Variants in DPYD observed in about 807,000 individuals in gnomAD.
DPYD encodes dihydropyrimidine dehydrogenase.
A neutral mutation model predicts 116.2 loss-of-function variants in DPYD; 109 were observed. The observed-to-expected ratio is 0.94, with a 90% CI of 0.80 to 1.10. DPYD has a LOEUF of 1.10. Among genes scored for constraint, DPYD ranks in the 50% least tolerant of loss-of-function variants. The probability of loss-of-function intolerance (pLI) is 0.00; values close to 1 mark genes in which losing one functional copy is unlikely to be tolerated. For synonymous variants in DPYD, 440 were observed against 432.0 expected (o/e 1.02, Z -0.23); for missense variants, 1,302 against 1,254.5 (o/e 1.04, Z -0.57).
chr1:97,610,246 A>G (rs563266685), intron 8 of DPYD, among the ~76,000 whole-genome samples: 2 of 152,014 alleles, frequency 1.3e-5, no homozygotes, highest in East Asian at 3.9e-4. Flanking sequence ...ACCACCCCCC[A>G]TACCCTCAGA....
chr1:97,432,654 T>C (rs1038842048), intron 14 of DPYD, among the ~76,000 whole-genome samples: 1 of 152,086 alleles, frequency 6.6e-6, no homozygotes, highest in Non-Finnish European at 1.5e-5. Flanking sequence ...TCATGTCTTA[T>C]AATTTTTTAT....
intron 3 of DPYD, among the ~76,000 whole-genome samples, chr1:97,801,871 GTTTAA>G (rs1557972695): frequency 1.3e-5 from 2 of 151,532 alleles, no homozygotes; most frequent in Admixed American, 1.3e-4. Flanking sequence ...TGTCTCAATT[GTTTAA>G]TTTAAAATGT....
At chr1:97,750,367 A>G (rs1664802629) in intron 3 of DPYD, among the ~76,000 whole-genome samples, 1 of 152,186 alleles carries the variant, frequency 6.6e-6, no homozygotes, top group Non-Finnish European at 1.5e-5. Flanking sequence ...TACAATTCCT[A>G]GATGTACGGA....
chr1:97,486,220 G>C (rs924134379), intron 13 of DPYD, among the ~76,000 whole-genome samples: 8 of 152,130 alleles, frequency 5.3e-5, no homozygotes, highest in African/African-American at 1.9e-4. Context: ...TAACAGTTCA[G>C]TTGTGATTTA....
At chr1:97,164,820 G>T (rs1298497994) in intron 20 of DPYD, among the ~76,000 whole-genome samples, 1 of 150,962 alleles carries the variant, frequency 6.6e-6, no homozygotes, top group Non-Finnish European at 1.5e-5. Flanking sequence ...TGGACAGGAG[G>T]AATCAATGTT....
intron 20 of DPYD, among the ~76,000 whole-genome samples, chr1:97,152,654 A>T (rs1045116560): frequency 4.5e-4 from 68 of 151,146 alleles, no homozygotes; most frequent in South Asian, 6.3e-4. Context: ...TATGCAAGGC[A>T]CACATGTAGA....
At chr1:97,202,487 ATAT>A (rs1368263850) in intron 19 of DPYD, among the ~76,000 whole-genome samples, 34 of 152,166 alleles carry the variant, frequency 2.2e-4, no homozygotes, top group African/African-American at 7.7e-4. Flanking sequence ...GAAGAGAATA[ATAT>A]GTTTTCAAGG....
intron 2 of DPYD, among the ~76,000 whole-genome samples, chr1:97,882,135 G>T (rs947278898): frequency 6.6e-6 from 1 of 151,840 alleles, no homozygotes; most frequent in African/African-American, 2.4e-5. Flanking sequence ...TGAACAATCT[G>T]AATCACACTG....
chr1:97,295,621 G>A (rs1666481069), intron 18 of DPYD: 1 of 247,528 alleles, frequency 4.0e-6, no homozygotes, highest in Non-Finnish European at 6.4e-6. Context: ...GGTAGAGACA[G>A]GGTTTCACCA....
intron 18 of DPYD, among the ~76,000 whole-genome samples, chr1:97,264,579 T>C (rs1300612702): frequency 6.6e-6 from 1 of 152,162 alleles, no homozygotes; most frequent in African/African-American, 2.4e-5. Flanking sequence ...CTAAGACAAA[T>C]GCATAAGCCA....
At chr1:97,284,955 G>A (rs992702302) in intron 18 of DPYD, among the ~76,000 whole-genome samples, 2 of 152,016 alleles carry the variant, frequency 1.3e-5, no homozygotes, top group African/African-American at 4.8e-5. Context: ...AGTGTGAATT[G>A]CCCTGCTTTT....
intron 18 of DPYD, among the ~76,000 whole-genome samples, chr1:97,237,693 A>G (rs1662048969): frequency 6.6e-6 from 1 of 152,196 alleles, no homozygotes. Flanking sequence ...AGTTAAAGGA[A>G]AGCATTTTTT....
chr1:97,504,112 G>C (rs1013445223), intron 13 of DPYD, among the ~76,000 whole-genome samples: 1 of 151,916 alleles, frequency 6.6e-6, no homozygotes, highest in African/African-American at 2.4e-5. Context: ...GGTTTCTTTG[G>C]AGCATGCTTC....
intron 20 of DPYD, among the ~76,000 whole-genome samples, chr1:97,186,648 A>G (rs1177277039): frequency 2.6e-5 from 4 of 152,184 alleles, no homozygotes; most frequent in African/African-American, 7.2e-5. Context: ...GAGGAGTTCG[A>G]GAACAGCCTG....
intron 16 of DPYD, among the ~76,000 whole-genome samples, chr1:97,314,661 G>T (rs1235195367): frequency 1.3e-5 from 2 of 151,838 alleles, no homozygotes; most frequent in Non-Finnish European, 1.5e-5. Flanking sequence ...AGTGTTAATT[G>T]TAGAGATCAG....
chr1:97,201,105 C>T (rs1659170705), intron 19 of DPYD, among the ~76,000 whole-genome samples: 1 of 152,098 alleles, frequency 6.6e-6, no homozygotes, highest in East Asian at 1.9e-4. Context: ...AGATGAAAGT[C>T]TTACATATAT....
chr1:97,080,656 A>C (rs890406005), intron 22 of DPYD, among the ~76,000 whole-genome samples: 3 of 152,166 alleles, frequency 2.0e-5, no homozygotes, highest in Admixed American at 6.6e-5. Context: ...TATCTTCCTT[A>C]GGTACCCTTT....
chr1:97,533,696 T>C (rs1286052271), intron 12 of DPYD, among the ~76,000 whole-genome samples: 7 of 152,134 alleles, frequency 4.6e-5, no homozygotes, highest in Non-Finnish European at 8.8e-5. Flanking sequence ...AAGTTCAAAA[T>C]TGTAAGTCAA....
intron 19 of DPYD, among the ~76,000 whole-genome samples, chr1:97,206,966 G>A (rs1659682957): frequency 6.6e-6 from 1 of 151,558 alleles, no homozygotes; most frequent in South Asian, 2.1e-4. Flanking sequence ...CTACTTCAGT[G>A]CCTAAATAAC....
Sources: gnomAD v4.1 joint callset for allele counts (sites outside exome capture counted in the v4.1 genomes callset) on GRCh38, gnomAD v4.1.1 for gene constraint, MANE v1.5 for transcripts, NCBI Gene and HGNC (gene_info 2026-07-23, HGNC 2026-07-21) for gene names.